The following PTPRE variants were observed in gnomAD, a reference collection of about 807,000 sequenced individuals.
PTPRE encodes the protein protein tyrosine phosphatase receptor type E, also known as receptor-type tyrosine-protein phosphatase epsilon.
PTPRE carries 51 observed loss-of-function variants against 102.0 expected under a neutral mutation model. The observed-to-expected ratio is 0.50, with a 90% CI of 0.40 to 0.63. The LOEUF (loss-of-function observed/expected upper bound fraction) is 0.63, where lower values mean the gene tolerates loss of function less well. Ranked by LOEUF, PTPRE falls within the 30% of genes least tolerant of loss-of-function variation. The pLI is 0.00. For missense variants in PTPRE, 752 were observed against 915.1 expected, an observed-to-expected ratio of 0.82 and a Z score of 2.30; for synonymous variants, 345 against 348.2, an observed-to-expected ratio of 0.99 and a Z score of 0.10.
At position 128,047,456 on chromosome 10, in the gene PTPRE, T is replaced by G; in HGVS notation, c.176T>G (p.Leu59Arg). The change falls in exon 4 of 21, where the codon CTC becomes CGC. Residue 59 changes from leucine to arginine, a missense_variant. This residue lies in a region of PTPRE where 116 missense variants were observed against 90.8 expected (regional missense o/e 1.28). Coordinates refer to ENST00000254667, the MANE Select transcript of PTPRE (RefSeq NM_006504.6). Reference sequence around the variant, plus strand: ...CTGCTACTGCCGCTGCTGCTCCTCCTCCTCGTGCTCCTTCTCGCCGCCTAC... The same window carrying G: ...CTGCTACTGCCGCTGCTGCTCCTCCGCCTCGTGCTCCTTCTCGCCGCCTAC... ...AWLLLPLLLL[L>R]LVLLLAAYFF... The G allele has an allele frequency of 6.2e-7, 1 of 1,613,378 alleles. No individual in the cohort carries two copies. The highest frequency in any genetic ancestry group is 8.5e-7 in the Non-Finnish European group (1 of 1,180,000).
At chr10:128,030,082 C>T (rs1846603062) in intron 2 of PTPRE, among the ~76,000 whole-genome samples, 1 of 152,222 alleles carries the variant, frequency 6.6e-6, no homozygotes, top group Non-Finnish European at 1.5e-5. Context: ...TTTTTGGAAA[C>T]GGCAGAGGCT....
At chr10:127,910,319 A>G (rs10830195) in intron 1 of PTPRE, among the ~76,000 whole-genome samples, 151,251 of 152,252 alleles carry the variant, frequency 0.99, 75,131 homozygotes, top group East Asian at 1. Context: ...TCCATCTTAG[A>G]AACTCCTACC....
rs769681642 is a variant in PTPRE at position 128,047,735 on chromosome 10, G to A, written c.210-29G>A. The A allele has an allele frequency of 7.4e-6, 12 of 1,613,246 alleles. No individual in the cohort carries two copies. In the East Asian group the frequency reaches 2.7e-4, roughly 36 times the overall value. On this transcript the variant is annotated intron_variant, in intron 4 of 20. Coordinates refer to ENST00000254667, the MANE Select transcript of PTPRE (RefSeq NM_006504.6). ...TGGCTCTCGGGGAACCTAGAAGTGT[G>A]GAAACCTAACGCATCCTGTGTCTCT...
intron 2 of PTPRE, among the ~76,000 whole-genome samples, chr10:127,986,327 T>C (rs188378923): frequency 5.9e-5 from 9 of 152,218 alleles, no homozygotes; most frequent in Non-Finnish European, 1.2e-4. Flanking sequence ...TCGCATAGTA[T>C]TTAATGCAAT....
At chr10:127,939,817 C>T (rs1452620298) in intron 1 of PTPRE, among the ~76,000 whole-genome samples, 1 of 148,734 alleles carries the variant, frequency 6.7e-6, no homozygotes, top group African/African-American at 2.5e-5. Context: ...CAGGAGGAGA[C>T]AGGAAGAAGC....
rs1467935970 is a variant in PTPRE, at chr10:128,069,769, A to T, written c.1085A>T (p.Asp362Val). The change falls in exon 13 of 21, where the codon GAT (aspartate) becomes GTT (valine). Residue 362 changes from aspartate to valine, a missense_variant. By Grantham distance (152) the Asp-to-Val change is radical. Transcript: ENST00000254667. ...ATGATGCACGCGGAGCAGAAGGTGG[A>T]TGTGTTTGAATTTGTGTCTCGAATC... is the stretch of plus-strand genomic sequence containing the variant. ...MAMMHAEQKV[D>V]VFEFVSRIRN... The T allele has an allele frequency of 6.2e-7, 1 of 1,614,054 alleles. No individual in the cohort carries two copies. Among genetic ancestry groups the T allele is most frequent in the Non-Finnish European group, 8.5e-7 (1 of 1,180,040 alleles).
chr10:128,079,882 G>A lies in PTPRE; in HGVS notation c.2028+187G>A, dbSNP rs376307018. ...AGCCCTCCTTCCTTGGGTCTGTGAC[G>A]TGGGTGTCTTCTGGGCAAGACCCGG... On this transcript the variant is annotated intron_variant, in intron 20 of 20. Coordinates refer to ENST00000254667, the MANE Select transcript of PTPRE (RefSeq NM_006504.6). Among the ~76,000 whole-genome samples, 5 of 152,174 alleles carry A rather than the reference G, an allele frequency of 3.3e-5. No individual in the cohort carries two copies. In the South Asian group the frequency reaches 6.2e-4, roughly 19 times the overall value.
At chr10:127,924,824 G>A (rs887257541) in intron 1 of PTPRE, among the ~76,000 whole-genome samples, 7 of 152,220 alleles carry the variant, frequency 4.6e-5, no homozygotes, top group African/African-American at 1.7e-4. Flanking sequence ...AAGTTATGGA[G>A]CATTGAAGTA....
chr10:127,924,656 T>C (rs1305048178), intron 1 of PTPRE, among the ~76,000 whole-genome samples: 1 of 152,236 alleles, frequency 6.6e-6, no homozygotes, highest in East Asian at 1.9e-4. Flanking sequence ...GAATATCTGA[T>C]GACCCAATAA....
At chr10:128,068,435 G>A (rs1850474227) in intron 12 of PTPRE, 149 bp downstream of exon 12, 1 of 875,498 alleles carries the variant, frequency 1.1e-6, no homozygotes. Flanking sequence ...GACTGAGCCA[G>A]GCCCCAAGAA....
intron 1 of PTPRE, among the ~76,000 whole-genome samples, chr10:127,920,027 G>A (rs1026724789): frequency 1.3e-5 from 2 of 152,040 alleles, no homozygotes; most frequent in African/African-American, 2.4e-5. Flanking sequence ...CAGGCTCGGC[G>A]TGCTGTGTCC....
At chr10:128,051,337 G>C (rs1848550813) in intron 6 of PTPRE, among the ~76,000 whole-genome samples, 1 of 152,154 alleles carries the variant, frequency 6.6e-6, no homozygotes, top group Non-Finnish European at 1.5e-5. Context: ...TCAGCAGTGG[G>C]ATAAATTATA....
intron 1 of PTPRE, among the ~76,000 whole-genome samples, chr10:127,938,972 G>A (rs892069223): frequency 6.6e-6 from 1 of 152,186 alleles, no homozygotes; most frequent in African/African-American, 2.4e-5. Flanking sequence ...AAATTTGGAT[G>A]TGTGTTACCA....
At chr10:128,052,563 C>T (rs970949591) in intron 6 of PTPRE, among the ~76,000 whole-genome samples, 2 of 152,118 alleles carry the variant, frequency 1.3e-5, no homozygotes, top group Non-Finnish European at 1.5e-5. Context: ...CTTACGAGAC[C>T]GCACTCTGCA....
chr10:127,928,212 T>C lies in PTPRE; in HGVS notation c.-31+20903T>C, dbSNP rs141847635. Among the ~76,000 whole-genome samples, 1,513 of 152,346 alleles carry C rather than the reference T, an allele frequency of 9.9e-3. 9 individuals carry two copies. Among genetic ancestry groups the C allele is most frequent in the Non-Finnish European group, 0.016 (1,096 of 68,028 alleles). ...TTTACGCTTATCTGGCCAGCCTGTCTCATGCAGCATCCAAACGGACTTTAA... is the reference window on the plus strand; with the variant it reads ...TTTACGCTTATCTGGCCAGCCTGTCCCATGCAGCATCCAAACGGACTTTAA... On this transcript the variant is annotated intron_variant, in intron 1 of 20. Transcript: ENST00000254667.
chr10:128,005,825 G>A (rs953356893), intron 2 of PTPRE, among the ~76,000 whole-genome samples: 1 of 152,104 alleles, frequency 6.6e-6, no homozygotes, highest in Non-Finnish European at 1.5e-5. Flanking sequence ...CCAAGGCGTC[G>A]GCAGGGCTGT....
At chr10:128,000,465 TTC>T (rs1184782199) in intron 2 of PTPRE, among the ~76,000 whole-genome samples, 3 of 152,108 alleles carry the variant, frequency 2.0e-5, no homozygotes, top group Non-Finnish European at 4.4e-5. Flanking sequence ...TGCGTTTCTT[TTC>T]TCTCTCTCTC....
At chr10:127,938,517 C>T (rs1195327997) in intron 1 of PTPRE, among the ~76,000 whole-genome samples, 1 of 152,002 alleles carries the variant, frequency 6.6e-6, no homozygotes, top group Non-Finnish European at 1.5e-5. Context: ...GGGAGGATCG[C>T]TTGAGCCTGT....
chr10:128,016,009 G>C (rs949616914), intron 2 of PTPRE, among the ~76,000 whole-genome samples: 1 of 152,196 alleles, frequency 6.6e-6, no homozygotes, highest in Non-Finnish European at 1.5e-5. Context: ...GCAGGCAAGG[G>C]CATCTTCTCT....
Sources: allele counts gnomAD v4.1 joint callset (sites outside exome capture counted in the v4.1 genomes callset), GRCh38; gene constraint gnomAD v4.1.1; regional missense constraint gnomAD v4.1.1; transcripts MANE v1.5; gene names NCBI Gene and HGNC (gene_info 2026-07-23, HGNC 2026-07-21).